The following POLD1 variants were observed in gnomAD, a reference collection of about 807,000 sequenced individuals.
POLD1 encodes DNA polymerase delta catalytic subunit.
A neutral mutation model predicts 129.7 loss-of-function variants in POLD1; 79 were observed. That is an observed-to-expected ratio of 0.61 (90% CI 0.51 to 0.73). The LOEUF (loss-of-function observed/expected upper bound fraction) is 0.73. Among genes scored for constraint, POLD1 ranks in the 30% least tolerant of loss-of-function variants. The pLI is 0.00. For missense variants in POLD1, 1,338 were observed against 1,595.8 expected (o/e 0.84, Z 2.75); for synonymous variants, 714 against 683.3 (o/e 1.04, Z -0.70).
chr19:50,407,688 A>T (rs2038946451), intron 14 of POLD1, among the ~76,000 whole-genome samples: 1 of 147,618 alleles, frequency 6.8e-6, no homozygotes, highest in African/African-American at 2.5e-5. Context: ...TCTCCACAGC[A>T]GCTGGGACTA....
At chr19:50,391,242 C>A (rs539175626) in intron 1 of POLD1, among the ~76,000 whole-genome samples, 1 of 152,144 alleles carries the variant, frequency 6.6e-6, no homozygotes, top group East Asian at 1.9e-4. Flanking sequence ...AGGCGCTCCT[C>A]ACTTCCCAGA....
intron 1 of POLD1, among the ~76,000 whole-genome samples, chr19:50,391,263 A>C (rs1159745313): frequency 6.7e-6 from 1 of 149,044 alleles, no homozygotes. Context: ...CTGGGCGGCC[A>C]GGCAGAGATG....
At chr19:50,413,635 G>A in intron 18 of POLD1, 107 bp from the exon 19 acceptor site, 14 of 1,537,336 alleles carry the variant, frequency 9.1e-6, no homozygotes, top group Admixed American at 3.5e-5. Context: ...CCACTCTCCT[G>A]TTGCATCCTT....
intron 10 of POLD1, 53 bp downstream of exon 10, chr19:50,403,650 C>T (rs776517101): frequency 2.3e-5 from 27 of 1,174,000 alleles, no homozygotes; most frequent in Middle Eastern, 1.9e-4. Flanking sequence ...GTGTGGCCTC[C>T]GGGCCCTGGG....
chr19:50,407,760 A>G (rs1439608487), intron 14 of POLD1, among the ~76,000 whole-genome samples: 6 of 104,528 alleles, frequency 5.7e-5, no homozygotes, highest in Non-Finnish European at 9.0e-5. Flanking sequence ...CATTTTTAGT[A>G]GGGACGGGGT....
rs762774692 is a variant in POLD1 at position 50,414,862 on chromosome 19, GCTCTTCTCC to G, written c.2437_2445del (p.Leu813_Ser815del). 6.2e-7 allele frequency: 1 copy of G among 1,604,634 alleles called. No individual in the cohort carries two copies. The highest frequency in any genetic ancestry group is 1.7e-5 in the Admixed American group (1 of 59,238). On this transcript the variant is annotated inframe_deletion, in exon 20 of 27. Coordinates refer to ENST00000440232, the MANE Select transcript of POLD1 (RefSeq NM_002691.4). ...TCAGCAAGAAGCGCTACGCGGGCCTGCTCTTCTCCTCCCGGCCCGACGCCCACGACCGCA... is the reference window on the plus strand; with the variant it reads ...TCAGCAAGAAGCGCTACGCGGGCCTGTCCCGGCCCGACGCCCACGACCGCA...
rs2039250690 is a variant in POLD1, at chr19:50,415,574, G to A, written c.2701G>A (p.Val901Met). Reference sequence around the variant, plus strand: ...CGACTATGCCGGCAAGCAGGCCCACGTGGAGCTGGCCGAGAGGTCCTGCGC... The same window carrying A: ...CGACTATGCCGGCAAGCAGGCCCACATGGAGCTGGCCGAGAGGTCCTGCGC... ...ASDYAGKQAHVELAERMRKRD... is the reference protein window; with the variant it reads ...ASDYAGKQAHMELAERMRKRD... The change falls in exon 21 of 27, where the codon GTG becomes ATG. Residue 901 changes from valine to methionine, a missense_variant. Physicochemically the swap from Val to Met is conservative, Grantham distance 21 (BLOSUM62 1). Coordinates refer to ENST00000440232, the MANE Select transcript of POLD1 (RefSeq NM_002691.4). 1.2e-6 allele frequency: 2 copies of A among 1,611,720 alleles called. No homozygotes were observed. The highest frequency in any genetic ancestry group is 1.3e-5 in the African/African-American group (1 of 74,916).
intron 14 of POLD1, 23 bp from the exon 15 acceptor site, chr19:50,408,762 G>T: frequency 6.2e-7 from 1 of 1,611,942 alleles, no homozygotes. Context: ...CCTGACTCCC[G>T]GCCGCGGCTG....
At chr19:50,399,340 T>C (rs1257232160) in intron 2 of POLD1, 31 bp from the exon 3 acceptor site, 3 of 1,528,714 alleles carry the variant, frequency 2.0e-6, no homozygotes, top group South Asian at 1.1e-5. Context: ...CATGACTCCA[T>C]GTACTCCACT....
Position 50,417,286 on chromosome 19 carries a change from G to A in POLD1, c.3218+17G>A, listed in dbSNP as rs375490101. The A allele has an allele frequency of 1.2e-4, 181 of 1,544,656 alleles. No individual in the cohort carries two copies. In the African/African-American group the frequency reaches 1.6e-3, roughly 14 times the overall value. On this transcript the variant is annotated intron_variant, in intron 26 of 26. Transcript: ENST00000440232. Reference sequence around the variant, plus strand: ...CTGCACCAGGTGTGTGCCATGTCCCGACCCTGGGCTGCCCCGCCCCTTCCC... The same window carrying A: ...CTGCACCAGGTGTGTGCCATGTCCCAACCCTGGGCTGCCCCGCCCCTTCCC...
rs373910727 is a variant in POLD1, at chr19:50,417,207, G to C, written c.3156G>C (p.Ser1052=). The C allele has an allele frequency of 6.2e-7, 1 of 1,607,000 alleles. No individual in the cohort carries two copies. The highest frequency in any genetic ancestry group is 2.2e-5 in the East Asian group (1 of 44,752). ...SHLNALEERF[S]RLWTQCQRCQ... Reference sequence around the variant, plus strand: ...TGAATGCCCTGGAGGAGCGCTTCTCGCGCCTCTGGACGCAGTGCCAGCGCT... The same window carrying C: ...TGAATGCCCTGGAGGAGCGCTTCTCCCGCCTCTGGACGCAGTGCCAGCGCT... The change falls in exon 26 of 27, where the codon TCG becomes TCC. Residue 1052 remains serine, a synonymous_variant. Coordinates refer to ENST00000440232, the MANE Select transcript of POLD1 (RefSeq NM_002691.4).
Position 50,409,612 on chromosome 19 carries a change from A to T in POLD1, c.2100A>T (p.Val700=), listed in dbSNP as rs772468675. ...QLALKVSANS[V]YGFTGAQVGK... ...CGCTGAAGGTGAGCGCCAACTCCGT[A>T]TACGGCTTCACTGGCGCCCAGGTGG... The change falls in exon 17 of 27, where the codon GTA becomes GTT. Residue 700 remains valine, a synonymous_variant. Transcript: ENST00000440232. The surrounding 1 kb of genome is among the most constrained non-coding windows in gnomAD (Gnocchi z 5.8). The T allele has an allele frequency of 6.2e-7, 1 of 1,611,436 alleles. No individual in the cohort carries two copies. Among genetic ancestry groups the T allele is most frequent in the African/African-American group, 1.3e-5 (1 of 75,032 alleles).
intron 8 of POLD1, 114 bp from the exon 9 acceptor site, chr19:50,402,939 C>T (rs1216635685): frequency 1.4e-6 from 2 of 1,396,184 alleles, no homozygotes; most frequent in Non-Finnish European, 2.0e-6. Context: ...CAGGGTGAGC[C>T]ACGTAGGGCC....
At chr19:50,414,176 T>TG in intron 19 of POLD1, among the ~76,000 whole-genome samples, 1 of 152,380 alleles carries the variant, frequency 6.6e-6, no homozygotes, top group South Asian at 2.1e-4. Context: ...GGGACCCTGA[T>TG]GGGGGTGCAC....
chr19:50,412,519 G>T (rs1160103840), intron 17 of POLD1, among the ~76,000 whole-genome samples: 1 of 151,942 alleles, frequency 6.6e-6, no homozygotes, highest in Non-Finnish European at 1.5e-5. Context: ...AAAGAAAAAG[G>T]AACATAGGAC....
chr19:50,401,273 A>G (rs2038590470), intron 3 of POLD1, among the ~76,000 whole-genome samples: 1 of 143,874 alleles, frequency 7.0e-6, no homozygotes, highest in African/African-American at 2.6e-5. Flanking sequence ...TTATGTATTA[A>G]TTTATGTATA....
chr19:50,404,613 G>A (rs140022424), intron 10 of POLD1, among the ~76,000 whole-genome samples: 2 of 79,192 alleles, frequency 2.5e-5, no homozygotes, highest in African/African-American at 1.3e-4. Context: ...GAGTCTCGCT[G>A]TGTCGCCCAG....
intron 1 of POLD1, among the ~76,000 whole-genome samples, chr19:50,396,578 C>T (rs1024483256): frequency 2.0e-5 from 3 of 151,816 alleles, no homozygotes; most frequent in Admixed American, 2.0e-4. Context: ...CCTGGGTTCA[C>T]ACCATTCTCC....
chr19:50,405,789 C>T (rs1205684024), intron 10 of POLD1, among the ~76,000 whole-genome samples: 1 of 152,152 alleles, frequency 6.6e-6, no homozygotes, highest in Non-Finnish European at 1.5e-5. Flanking sequence ...CAGCCAGGCG[C>T]CCTCCAGCGC....
Sources: gnomAD v4.1 joint callset for allele counts (sites outside exome capture counted in the v4.1 genomes callset) on GRCh38, gnomAD v4.1.1 for gene constraint, Gnocchi (gnomAD v3.1) non-coding constraint, MANE v1.5 for transcripts, NCBI Gene and HGNC (gene_info 2026-07-23, HGNC 2026-07-21) for gene names.